Variants in CRTC2 observed in about 807,000 individuals in gnomAD.
CRTC2 encodes the protein CREB regulated transcription coactivator 2, also known as CREB-regulated transcription coactivator 2.
In CRTC2, 25 loss-of-function variants were observed where a neutral mutation model predicts 70.9. That is an observed-to-expected ratio of 0.35 (90% CI 0.26 to 0.49). The LOEUF (loss-of-function observed/expected upper bound fraction) is 0.49. Ranked by LOEUF, CRTC2 falls within the 20% of genes least tolerant of loss-of-function variation. The probability of loss-of-function intolerance (pLI) is 0.98; values close to 1 mark genes in which losing one functional copy is unlikely to be tolerated. For missense variants in CRTC2, 737 were observed against 882.6 expected, an observed-to-expected ratio of 0.83 and a Z score of 2.09; for synonymous variants, 330 against 364.1, an observed-to-expected ratio of 0.91 and a Z score of 1.07.
chr1:153,955,516 G>A (rs1356342728), intron 1 of CRTC2, among the ~76,000 whole-genome samples: 5 of 144,124 alleles, frequency 3.5e-5, no homozygotes, highest in East Asian at 4.1e-4. Flanking sequence ...GCAGTAAGCC[G>A]AGACTGTGCC....
chr1:153,956,026 G>A (rs1680599553), intron 1 of CRTC2, among the ~76,000 whole-genome samples: 1 of 152,238 alleles, frequency 6.6e-6, no homozygotes. Context: ...GGCCACAGGT[G>A]GATGTCACAG....
Position 153,951,293 on chromosome 1 carries a change from T to C in CRTC2, c.1371A>G (p.Pro457=). ...TGGAAGACAAGGTGGGTGACATTGT[T>C]GGCGAAAACTGTTTGGGCAGCTGCT... ...SQQQLPKQFS[P]TMSPTLSSIT... Residue 457 remains proline (P), a synonymous_variant, in exon 11 of 14, where the codon CCA becomes CCG. Transcript: ENST00000368633. 1.9e-6 allele frequency: 3 copies of C among 1,614,026 alleles called. No individual in the cohort carries two copies. The highest frequency in any genetic ancestry group is 2.5e-6 in the Non-Finnish European group (3 of 1,180,002).
At position 153,948,882 on chromosome 1, in the gene CRTC2, GAAGTCATCA is replaced by G. The variant is rs761035540; in HGVS notation, c.1674+224_1674+232del. ...GCCAGGAAGAGAACGGGTCAAGGCA[GAAGTCATCA>G]AAGAGCAAGCTGAGCAGAAATAGAG... On this transcript the variant is annotated intron_variant, in intron 12 of 13. Transcript: ENST00000368633. The G allele has an allele frequency of 7.8e-5, 58 of 741,438 alleles. No homozygotes were observed. The South Asian group carries it at 8.4e-4, about 11-fold the overall frequency. 45.9% of individuals were successfully genotyped at this position (741,438 alleles called of 1,614,324 possible).
chr1:153,958,104 C>T (rs1359142788), intron 1 of CRTC2: 6 of 1,388,660 alleles, frequency 4.3e-6, no homozygotes, highest in East Asian at 5.7e-5. Flanking sequence ...CGCCCACTCC[C>T]ACCTCACGTA....
At chr1:153,953,470 G>A (rs1680465371) in intron 5 of CRTC2, 68 bp downstream of exon 5, 1 of 1,539,742 alleles carries the variant, frequency 6.5e-7, no homozygotes, top group Non-Finnish European at 9.0e-7. Context: ...AACAGGGTGG[G>A]GGTGAGGGAG....
intron 10 of CRTC2, 92 bp from the exon 11 acceptor site, chr1:153,951,758 T>TG (rs1680334837): frequency 5.0e-6 from 7 of 1,395,478 alleles, no homozygotes; most frequent in Non-Finnish European, 5.9e-6. Context: ...GACCAGACTA[T>TG]GAAAGCGGCA....
At chr1:153,954,409 A>G (rs1680514548) in intron 3 of CRTC2, 93 bp from the exon 4 acceptor site, 2 of 856,732 alleles carry the variant, frequency 2.3e-6, no homozygotes, top group Admixed American at 2.0e-5. Flanking sequence ...AAGTTGTTTC[A>G]AGAAACTCAT....
intron 6 of CRTC2, 40 bp from the exon 7 acceptor site, chr1:153,952,874 G>C (rs1680431418): frequency 6.2e-7 from 1 of 1,613,406 alleles, no homozygotes; most frequent in Non-Finnish European, 8.5e-7. Context: ...GTGCTCACTT[G>C]CCTACCTGCT....
intron 11 of CRTC2, 111 bp from the exon 12 acceptor site, chr1:153,949,495 A>G (rs1680209100): frequency 2.6e-6 from 3 of 1,170,492 alleles, no homozygotes; most frequent in Non-Finnish European, 3.6e-6. Context: ...CAAACATGAC[A>G]ACATTCCACA....
rs975832658 is a variant in CRTC2 at position 153,951,347 on chromosome 1, C to T, written c.1317G>A (p.Ala439=). ...RVPLSPLSLL[A]GPADARRSQQ... ...GGGACCTTCTGGCGTCGGCTGGGCCCGCGAGCAAACTCAGGGGGCTGAGGG... is the reference window on the plus strand; with the variant it reads ...GGGACCTTCTGGCGTCGGCTGGGCCTGCGAGCAAACTCAGGGGGCTGAGGG... Residue 439 remains alanine (A), a synonymous_variant, in exon 11 of 14, where the codon GCG becomes GCA. Transcript: ENST00000368633. 7 of 1,613,428 alleles carry T rather than the reference C, an allele frequency of 4.3e-6. No homozygotes were observed. The highest frequency in any genetic ancestry group is 5.9e-6 in the Non-Finnish European group (7 of 1,179,772).
chr1:153,958,311 A>G (rs756286689), intron 1 of CRTC2, 34 bp downstream of exon 1: 55 of 1,603,064 alleles, frequency 3.4e-5, no homozygotes, highest in Non-Finnish European at 4.2e-5. Flanking sequence ...GTAACTGCTC[A>G]GCTCTGCTCC....
At chr1:153,954,376 A>G (rs1164656385) in intron 3 of CRTC2, 60 bp from the exon 4 acceptor site, 1 of 1,214,296 alleles carries the variant, frequency 8.2e-7, no homozygotes, top group Non-Finnish European at 1.2e-6. Flanking sequence ...CCAAATGAGG[A>G]AAGAACAATG....
At chr1:153,951,773 A>G (rs892869214) in intron 10 of CRTC2, 107 bp from the exon 11 acceptor site, 12 of 1,261,280 alleles carry the variant, frequency 9.5e-6, no homozygotes, top group Middle Eastern at 2.4e-4. Flanking sequence ...GCGGCAACAC[A>G]ACGTCCTCCC....
intron 1 of CRTC2, among the ~76,000 whole-genome samples, chr1:153,955,423 C>T (rs890934795): frequency 1.3e-5 from 2 of 151,690 alleles, no homozygotes; most frequent in African/African-American, 2.4e-5. Context: ...AAAAATTAGC[C>T]GGGCGTGGTG....
Position 153,952,438 on chromosome 1 carries a change from T to C in CRTC2, c.711A>G (p.Ser237=), listed in dbSNP as rs763053283. The change falls in exon 9 of 14, where the codon TCA becomes TCG. Residue 237 remains serine, a synonymous_variant. Transcript: ENST00000368633. ...LKPWDAKKLS[S]SSSRPRSCEV... ...CACAGGACCGAGGTCGGGAAGAGGA[T>C]GAGGATAGCTGAGGAGAGAAGGGAG... 1.9e-5 allele frequency: 30 copies of C among 1,613,946 alleles called. No homozygotes were observed. Among genetic ancestry groups the C allele is most frequent in the Non-Finnish European group, 2.4e-5 (28 of 1,180,004 alleles).
intron 11 of CRTC2, among the ~76,000 whole-genome samples, chr1:153,950,506 A>G (rs1047492655): frequency 3.3e-5 from 5 of 152,200 alleles, no homozygotes; most frequent in Admixed American, 2.6e-4. Flanking sequence ...TGGGCAGAGG[A>G]GAGGGAAAAG....
chr1:153,958,367 A>G lies in CRTC2; in HGVS notation c.131T>C (p.Met44Thr). 1.2e-6 allele frequency: 2 copies of G among 1,612,756 alleles called. No individual in the cohort carries two copies. Among genetic ancestry groups the G allele is most frequent in the Non-Finnish European group, 1.7e-6 (2 of 1,179,556 alleles). Residue 44 changes from methionine to threonine, a missense_variant, in exon 1 of 14, where the codon ATG becomes ACG. Physicochemically the swap from Met to Thr is moderately conservative, Grantham distance 81 (BLOSUM62 -1). This residue lies in a region of CRTC2 where 699 missense variants were observed against 823.7 expected (regional missense o/e 0.85). Coordinates refer to ENST00000368633, the MANE Select transcript of CRTC2 (RefSeq NM_181715.3). Reference protein sequence around the residue: ...AEETAAFEEVMMDIGSTRLQA... With the variant: ...AEETAAFEEVTMDIGSTRLQA... Reference sequence around the variant, plus strand: ...CACCCGGGTGGAGCCGATGTCCATCATCACCTCCTCGAAGGCCGCCGTCTC... The same window carrying G: ...CACCCGGGTGGAGCCGATGTCCATCGTCACCTCCTCGAAGGCCGCCGTCTC...
In CRTC2 at chr1:153,951,516, G is replaced by C; in HGVS notation, c.1148C>G (p.Pro383Arg). ...TGAGGGGTGGCCCAGGGAGGTGGTG[G>C]GCAGTACATGGCGGGCCAAGGAGGA... is the stretch of plus-strand genomic sequence containing the variant. Reference protein sequence around the residue: ...PASSLARHVLPTTSLGHPSLS... With the variant: ...PASSLARHVLRTTSLGHPSLS... The change falls in exon 11 of 14, where the codon CCC becomes CGC. Residue 383 changes from proline (P) to arginine (R), a missense_variant. Around this residue, in one of 3 missense-constraint regions of CRTC2, gnomAD observed 699 missense variants for 823.7 expected, o/e 0.85. Coordinates refer to ENST00000368633, the MANE Select transcript of CRTC2 (RefSeq NM_181715.3). The C allele has an allele frequency of 6.2e-7, 1 of 1,603,662 alleles. No individual in the cohort carries two copies. The highest frequency in any genetic ancestry group is 8.5e-7 in the Non-Finnish European group (1 of 1,175,028).
chr1:153,958,160 G>A, intron 1 of CRTC2, 185 bp downstream of exon 1: 3 of 1,416,670 alleles, frequency 2.1e-6, no homozygotes, highest in Non-Finnish European at 1.8e-6. Context: ...CCGGTGTTTC[G>A]GTCTCCCCCG....
Sources: gnomAD v4.1 joint callset for allele counts (sites outside exome capture counted in the v4.1 genomes callset) on GRCh38, gnomAD v4.1.1 for gene constraint, gnomAD v4.1.1 regional missense constraint, MANE v1.5 for transcripts, NCBI Gene and HGNC (gene_info 2026-07-23, HGNC 2026-07-21) for gene names.